The following RGS6 variants were observed in gnomAD, a reference collection of about 807,000 sequenced individuals.
The protein encoded by RGS6 is regulator of G protein signaling 6.
In RGS6, 30 loss-of-function variants were observed where a neutral mutation model predicts 78.5. That is an observed-to-expected ratio of 0.38 (90% confidence interval 0.29 to 0.52). The LOEUF (loss-of-function observed/expected upper bound fraction) is 0.52, where lower values mean the gene tolerates loss of function less well. Ranked by LOEUF, RGS6 falls within the 20% of genes least tolerant of loss-of-function variation. The probability of loss-of-function intolerance (pLI) is 0.85; values close to 1 mark genes in which losing one functional copy is unlikely to be tolerated. For synonymous variants in RGS6, 206 were observed against 206.0 expected (o/e 1.00, Z 0.00); for missense variants, 495 against 609.7 (o/e 0.81, Z 1.98).
At chr14:72,310,071 GCTCTTCTCGGCATGTTGGTCA>G (rs2068184080) in intron 2 of RGS6, among the ~76,000 whole-genome samples, 1 of 152,168 alleles carries the variant, frequency 6.6e-6, no homozygotes, top group Non-Finnish European at 1.5e-5. Flanking sequence ...CTCTCCGCCA[GCTCTTCTCGGCATGTTGGTCA>G]TTCATTATTG....
intron 17 of RGS6, among the ~76,000 whole-genome samples, chr14:72,545,545 T>C (rs2097383262): frequency 6.6e-6 from 1 of 152,192 alleles, no homozygotes; most frequent in Non-Finnish European, 1.5e-5. Context: ...TGCAGGTCTG[T>C]GCTTCCCTCT....
the RGS6 span, among the ~76,000 whole-genome samples, chr14:71,923,473 C>G: frequency 6.6e-6 from 1 of 152,134 alleles, no homozygotes; most frequent in East Asian, 1.9e-4. Context: ...GTAATCCCAG[C>G]TACTTGGGAG....
At chr14:72,602,728 A>G in the RGS6 span, among the ~76,000 whole-genome samples, 1 of 152,252 alleles carries the variant, frequency 6.6e-6, no homozygotes, top group African/African-American at 2.4e-5. Context: ...TTTTGGCCTC[A>G]AGACATAATT....
chr14:72,265,047 T>C (rs183497294), intron 2 of RGS6, among the ~76,000 whole-genome samples: 19 of 152,284 alleles, frequency 1.2e-4, no homozygotes, highest in African/African-American at 4.3e-4. Flanking sequence ...TGAGCTGTTA[T>C]CAATGTGGGA....
the RGS6 span, among the ~76,000 whole-genome samples, chr14:71,903,428 TAGTG>T: frequency 1.3e-5 from 2 of 152,220 alleles, no homozygotes; most frequent in Admixed American, 6.5e-5. Context: ...GGTTCCTTAT[TAGTG>T]AGGCTCTGGA....
chr14:72,085,002 C>G (rs147621686), intron 2 of RGS6, among the ~76,000 whole-genome samples: 1 of 152,162 alleles, frequency 6.6e-6, no homozygotes, highest in African/African-American at 2.4e-5. Context: ...AAATCTGCTA[C>G]GTAAGAAGAC....
chr14:72,305,109 T>C (rs1264643497), intron 2 of RGS6, among the ~76,000 whole-genome samples: 1 of 152,184 alleles, frequency 6.6e-6, no homozygotes, highest in African/African-American at 2.4e-5. Flanking sequence ...TTTCATATGC[T>C]TACAAGTCAT....
intron 3 of RGS6, among the ~76,000 whole-genome samples, chr14:72,362,347 T>C (rs996666876): frequency 1.3e-5 from 2 of 152,214 alleles, no homozygotes; most frequent in Admixed American, 6.5e-5. Context: ...ATATCAGTTA[T>C]CTATTTCTGT....
intron 3 of RGS6, among the ~76,000 whole-genome samples, chr14:72,420,263 T>C (rs1468697989): frequency 6.6e-6 from 1 of 152,114 alleles, no homozygotes; most frequent in East Asian, 1.9e-4. Context: ...TATTTGAGGG[T>C]CTCCAAAATT....
chr14:72,207,805 G>A (rs1315711370), intron 2 of RGS6, among the ~76,000 whole-genome samples: 1 of 152,182 alleles, frequency 6.6e-6, no homozygotes, highest in Admixed American at 6.5e-5. Flanking sequence ...AGTTCATTGT[G>A]TGTGAGAGAC....
At chr14:72,408,089 C>T (rs956918781) in intron 3 of RGS6, among the ~76,000 whole-genome samples, 27 of 152,208 alleles carry the variant, frequency 1.8e-4, no homozygotes, top group African/African-American at 6.5e-4. Context: ...AACAAACCGA[C>T]TCATGCTTGT....
upstream of RGS6, among the ~76,000 whole-genome samples, chr14:71,929,198 A>G (rs1594814300): frequency 6.6e-6 from 1 of 152,220 alleles, no homozygotes; most frequent in Admixed American, 6.5e-5. Flanking sequence ...CATTGAATCC[A>G]CAGAATCCAC....
chr14:72,517,302 G>A (rs2096961273), intron 14 of RGS6, among the ~76,000 whole-genome samples: 1 of 152,154 alleles, frequency 6.6e-6, no homozygotes, highest in South Asian at 2.1e-4. Context: ...AACCAGCACA[G>A]GACCTACTCT....
At chr14:72,588,612 C>G in the RGS6 span, among the ~76,000 whole-genome samples, 2 of 152,102 alleles carry the variant, frequency 1.3e-5, no homozygotes, top group East Asian at 3.8e-4. Flanking sequence ...TTAGGTCTGG[C>G]AATTCTTTTG....
intron 15 of RGS6, among the ~76,000 whole-genome samples, chr14:72,529,455 C>T (rs1485353225): frequency 6.6e-6 from 1 of 152,176 alleles, no homozygotes; most frequent in African/African-American, 2.4e-5. Flanking sequence ...TTTCTCCCCA[C>T]ACCATCCTCA....
intron 2 of RGS6, among the ~76,000 whole-genome samples, chr14:72,318,380 C>G (rs2070910361): frequency 6.6e-6 from 1 of 152,150 alleles, no homozygotes; most frequent in Non-Finnish European, 1.5e-5. Context: ...TTTCCCAGCT[C>G]ACTGACTTGA....
At chr14:71,889,900 C>T in the RGS6 span, among the ~76,000 whole-genome samples, 10 of 151,666 alleles carry the variant, frequency 6.6e-5, no homozygotes, top group Admixed American at 5.9e-4. Flanking sequence ...AGCACCTCCT[C>T]TCTCTCTCTC....
chr14:72,258,132 G>A (rs1404369341), intron 2 of RGS6, among the ~76,000 whole-genome samples: 2 of 152,106 alleles, frequency 1.3e-5, no homozygotes, highest in South Asian at 4.2e-4. Flanking sequence ...AAATCCAGAG[G>A]ATTTATCTGG....
At chr14:72,169,889 A>T (rs1306961257) in intron 2 of RGS6, among the ~76,000 whole-genome samples, 1 of 152,110 alleles carries the variant, frequency 6.6e-6, no homozygotes, top group Admixed American at 6.5e-5. Flanking sequence ...GGGAATCCGA[A>T]TCTGCATTTT....
Sources: allele counts gnomAD v4.1 joint callset (sites outside exome capture counted in the v4.1 genomes callset), GRCh38; gene constraint gnomAD v4.1.1; transcripts MANE v1.5; gene names NCBI Gene and HGNC (gene_info 2026-07-23, HGNC 2026-07-21).